Variants in HIVEP3 observed in about 807,000 individuals in gnomAD.
The protein encoded by HIVEP3 is transcription factor HIVEP3.
HIVEP3 carries 49 observed loss-of-function variants against 152.8 expected under a neutral mutation model. That is an observed-to-expected ratio of 0.32 (90% CI 0.26 to 0.41). The LOEUF is 0.41. Among genes scored for constraint, HIVEP3 ranks in the 10% least tolerant of loss-of-function variants. The pLI is 1.00. For synonymous variants in HIVEP3, 1,269 were observed against 1,289.0 expected (o/e 0.98, Z 0.33); for missense variants, 2,790 against 3,103.3 (o/e 0.90, Z 2.40).
intron 2 of HIVEP3, among the ~76,000 whole-genome samples, chr1:41,682,638 G>A (rs1646057567): frequency 1.3e-5 from 2 of 152,106 alleles, no homozygotes; most frequent in Admixed American, 1.3e-4. Flanking sequence ...CCGGGGACAG[G>A]TGGTGCCTAG....
chr1:41,648,260 C>G (rs879676657), intron 2 of HIVEP3, among the ~76,000 whole-genome samples: 16 of 152,234 alleles, frequency 1.1e-4, no homozygotes, highest in Admixed American at 4.6e-4. Flanking sequence ...CCTAGTCCGA[C>G]AAAGGAAAAT....
At chr1:41,965,205 AAAC>A (rs1457828836) in intron 1 of HIVEP3, among the ~76,000 whole-genome samples, 1 of 152,222 alleles carries the variant, frequency 6.6e-6, no homozygotes, top group East Asian at 1.9e-4. Flanking sequence ...AAAGAGAAAG[AAAC>A]AACAACATCA....
Position 41,510,713 on chromosome 1 carries a change from T to G in HIVEP3, c.6959A>C (p.Gln2320Pro). Residue 2320 changes from glutamine (Q) to proline (P), a missense_variant, in exon 9 of 9, where the codon CAG becomes CCG. By Grantham distance (76) the Gln-to-Pro change is moderately conservative. Transcript: ENST00000372583. ...CCAGGACTGCGCTGCCCGGCGTCCC[T>G]GGGGCGGCCGGGGCAAGGTGTCGGG... ...TPPDTLPRPP[Q>P]GRRAAQSWSP... 1 of 1,532,970 alleles carries G rather than the reference T, an allele frequency of 6.5e-7. No homozygotes were observed. The highest frequency in any genetic ancestry group is 8.8e-7 in the Non-Finnish European group (1 of 1,139,714). The allele number at this position is 1,532,970 out of a possible 1,614,324, so 95.0% of individuals were successfully genotyped here. A position where few individuals can be genotyped will look rare whatever the true frequency, so the allele number is the denominator to read the frequency against.
intron 2 of HIVEP3, among the ~76,000 whole-genome samples, chr1:41,684,974 A>G (rs1397589485): frequency 6.6e-6 from 1 of 152,186 alleles, no homozygotes; most frequent in Non-Finnish European, 1.5e-5. Flanking sequence ...TATATGGTCA[A>G]GTGCCTGTTT....
At chr1:41,521,284 C>A (rs147434683) in intron 6 of HIVEP3, among the ~76,000 whole-genome samples, 6 of 152,224 alleles carry the variant, frequency 3.9e-5, no homozygotes, top group African/African-American at 1.4e-4. Flanking sequence ...GGCTCTGCCA[C>A]GCACCATGCT....
intron 1 of HIVEP3, among the ~76,000 whole-genome samples, chr1:41,865,985 G>C (rs1204804180): frequency 6.6e-6 from 1 of 152,212 alleles, no homozygotes; most frequent in Non-Finnish European, 1.5e-5. Context: ...CGAAATCTGA[G>C]GCCTTCTGTG....
At chr1:41,694,726 G>T (rs1483724441) in intron 2 of HIVEP3, among the ~76,000 whole-genome samples, 1 of 152,142 alleles carries the variant, frequency 6.6e-6, no homozygotes, top group Non-Finnish European at 1.5e-5. Context: ...GGCCCTAAAA[G>T]GCCTCCAGGA....
Position 41,579,825 on chromosome 1 carries a change from C to T in HIVEP3, c.4973G>A (p.Ser1658Asn), listed in dbSNP as rs1383504713. 1 of 1,613,950 alleles carries T rather than the reference C, an allele frequency of 6.2e-7. No individual in the cohort carries two copies. Among genetic ancestry groups the T allele is most frequent in the Admixed American group, 1.7e-5 (1 of 60,024 alleles). Reference protein sequence around the residue: ...LSLLRSKQKVSKETYTMATAP... With the variant: ...LSLLRSKQKVNKETYTMATAP... ...TGTGGCCATGGTGTATGTCTCTTTG[C>T]TCACTTTCTGCTTAGACCTCAGGAG... is the stretch of plus-strand genomic sequence containing the variant. The change falls in exon 4 of 9, where the codon AGC becomes AAC. Residue 1658 changes from serine to asparagine, a missense_variant. Transcript: ENST00000372583.
At chr1:41,744,099 A>G (rs1209965715) in intron 1 of HIVEP3, among the ~76,000 whole-genome samples, 1 of 151,164 alleles carries the variant, frequency 6.6e-6, no homozygotes, top group Non-Finnish European at 1.5e-5. Context: ...GAGTGCAGTG[A>G]TGCGATCTTG....
chr1:41,754,742 G>A, intron 1 of HIVEP3, among the ~76,000 whole-genome samples: 1 of 152,160 alleles, frequency 6.6e-6, no homozygotes, highest in East Asian at 1.9e-4. Context: ...ACTCAGATCT[G>A]GGGGCACTGG....
intron 2 of HIVEP3, among the ~76,000 whole-genome samples, chr1:41,668,478 C>T (rs1470701730): frequency 2.0e-5 from 3 of 152,224 alleles, no homozygotes; most frequent in Non-Finnish European, 2.9e-5. Context: ...GTGAGAACCC[C>T]AATCCTTCAG....
intron 1 of HIVEP3, among the ~76,000 whole-genome samples, chr1:41,768,934 C>T (rs1304745278): frequency 6.6e-6 from 1 of 152,232 alleles, no homozygotes; most frequent in East Asian, 1.9e-4. Flanking sequence ...CAGGTCTCCC[C>T]ACAAGGCTTC....
intron 1 of HIVEP3, among the ~76,000 whole-genome samples, chr1:41,751,187 C>T (rs1184258643): frequency 6.6e-6 from 1 of 152,112 alleles, no homozygotes; most frequent in Non-Finnish European, 1.5e-5. Context: ...CCTGCCCAGC[C>T]CATAGAACTG....
In HIVEP3 at chr1:41,811,553, G is replaced by T. The variant is rs555620481; in HGVS notation, c.-801+106860C>A. 5.3e-5 allele frequency among the ~76,000 whole-genome samples: 8 copies of T among 152,008 alleles called. No homozygotes were observed. The South Asian group carries it at 1.5e-3, about 28-fold the overall frequency. ...AATGCTACCACATCCTCTTTTTACA[G>T]ATAATGAGGCAGACAGAGAGGTTAT... On this transcript the variant is annotated intron_variant, in intron 1 of 8. Transcript: ENST00000372583.
intron 5 of HIVEP3, among the ~76,000 whole-genome samples, chr1:41,549,219 G>C (rs1015995141): frequency 8.5e-5 from 13 of 152,052 alleles, no homozygotes; most frequent in Non-Finnish European, 1.8e-4. Flanking sequence ...TTTTCTATGG[G>C]TACATAGTAT....
chr1:41,686,356 G>T (rs993107407), intron 2 of HIVEP3, among the ~76,000 whole-genome samples: 4 of 152,128 alleles, frequency 2.6e-5, no homozygotes, highest in Non-Finnish European at 4.4e-5. Flanking sequence ...TTACAGGCAT[G>T]AGCCACCACA....
At chr1:41,521,187 G>A (rs1441512128) in intron 6 of HIVEP3, among the ~76,000 whole-genome samples, 1 of 152,184 alleles carries the variant, frequency 6.6e-6, no homozygotes. Context: ...GACTTGATGA[G>A]GTGACACAAG....
At chr1:41,595,893 C>T (rs1199805077) in intron 3 of HIVEP3, among the ~76,000 whole-genome samples, 2 of 152,182 alleles carry the variant, frequency 1.3e-5, no homozygotes, top group African/African-American at 4.8e-5. Flanking sequence ...TTGCAGACGG[C>T]CTATTGTGGG....
At chr1:41,676,389 C>T (rs1346189095) in intron 2 of HIVEP3, among the ~76,000 whole-genome samples, 3 of 152,116 alleles carry the variant, frequency 2.0e-5, no homozygotes, top group African/African-American at 7.2e-5. Flanking sequence ...CTGGGTGAGG[C>T]TGGGGATGGC....
Sources: allele counts gnomAD v4.1 joint callset (sites outside exome capture counted in the v4.1 genomes callset), GRCh38; gene constraint gnomAD v4.1.1; transcripts MANE v1.5; gene names NCBI Gene and HGNC (gene_info 2026-07-23, HGNC 2026-07-21).